Variants in FYCO1 observed in about 807,000 individuals in gnomAD.
FYCO1 encodes FYVE and coiled-coil domain autophagy adaptor 1, also known as FYVE and coiled-coil domain-containing protein 1.
In FYCO1, 122 loss-of-function variants were observed where a neutral mutation model predicts 165.1. The ratio of observed to expected loss-of-function variants is 0.74; its 90% CI spans 0.64 to 0.86. The LOEUF is 0.86. FYCO1 is among the 40% of genes least tolerant of loss of function. The probability of loss-of-function intolerance (pLI) is 0.00; values close to 1 mark genes in which losing one functional copy is unlikely to be tolerated. For synonymous variants in FYCO1, 648 were observed against 742.5 expected, an observed-to-expected ratio of 0.87 and a Z score of 2.07; for missense variants, 1,702 against 1,810.3, an observed-to-expected ratio of 0.94 and a Z score of 1.09.
At chr3:45,952,956 G>A (rs1293582629) in intron 14 of FYCO1, among the ~76,000 whole-genome samples, 1 of 152,188 alleles carries the variant, frequency 6.6e-6, no homozygotes, top group Non-Finnish European at 1.5e-5. Context: ...GGCTTACATG[G>A]TCAGGGGTTG....
chr3:45,929,874 G>A (rs1189676233), intron 16 of FYCO1, among the ~76,000 whole-genome samples: 3 of 152,154 alleles, frequency 2.0e-5, no homozygotes, highest in Non-Finnish European at 4.4e-5. Flanking sequence ...AAACCCAAAC[G>A]GGTACGTGTT....
In FYCO1 at chr3:45,964,228, C is replaced by T. The variant is rs1705862419; in HGVS notation, c.3269+108G>A. 1 of 940,224 alleles carries T rather than the reference C, an allele frequency of 1.1e-6. No individual in the cohort carries two copies. The highest frequency in any genetic ancestry group is 2.4e-5 in the East Asian group (1 of 40,942). The allele number at this position is 940,224 out of a possible 1,614,324, so 58.2% of individuals were successfully genotyped here. A position where few individuals can be genotyped will look rare whatever the true frequency, so the allele number is the denominator to read the frequency against. ...CTTTCTGAGTTTGTGGCTTTTCTTG[C>T]AAAAGGACTTCCTAAACCTAATATG... On this transcript the variant is annotated intron_variant, in intron 10 of 17. Transcript: ENST00000296137. The surrounding 1 kb of genome is among the most constrained non-coding windows in gnomAD (Gnocchi z 4.1).
At position 45,941,149 on chromosome 3, in the gene FYCO1, A is replaced by G. The variant is rs544554808; in HGVS notation, c.3945-4606T>C. ...ATCCTCTCATCTTAGCCTCTTGAGT[A>G]CTGGGACTATAAGTGCCCACTGCCA... is the stretch of plus-strand genomic sequence containing the variant. On this transcript the variant is annotated intron_variant, in intron 14 of 17. Transcript: ENST00000296137. 4 of 152,336 alleles carry G rather than the reference A, an allele frequency of 2.6e-5. No homozygotes were observed. In the East Asian group the frequency reaches 5.8e-4, roughly 22 times the overall value. The allele number at this position is 152,336 out of a possible 1,614,324, so 9.4% of individuals were successfully genotyped here.
intron 14 of FYCO1, among the ~76,000 whole-genome samples, chr3:45,942,611 C>T (rs753357883): frequency 6.6e-6 from 1 of 152,216 alleles, no homozygotes; most frequent in Admixed American, 6.5e-5. Context: ...CTCTCCACTA[C>T]AAGGCACTGG....
rs915232502 is a variant in FYCO1, at chr3:45,920,804, C to G, written c.*961G>C. 2.0e-5 allele frequency: 3 copies of G among 152,616 alleles called. No homozygotes were observed. The highest frequency in any genetic ancestry group is 2.9e-5 in the Non-Finnish European group (2 of 68,040). 9.5% of individuals were successfully genotyped at this position (152,616 alleles called of 1,614,324 possible). On this transcript the variant is annotated 3_prime_UTR_variant, in exon 18 of 18. Coordinates refer to ENST00000296137, the MANE Select transcript of FYCO1 (RefSeq NM_024513.4). Reference sequence around the variant, plus strand: ...CCCAATGTTTGAAAGTGGTTCTAATCCTGGCTATGATCATTAGTAAACATG... The same window carrying G: ...CCCAATGTTTGAAAGTGGTTCTAATGCTGGCTATGATCATTAGTAAACATG...
rs1171974705 is a variant in FYCO1, at chr3:45,958,748, T to C, written c.3588-129A>G. On this transcript the variant is annotated intron_variant, in intron 12 of 17. Transcript: ENST00000296137. ...ACCTGGCTCTGCCCCCAAGTTAGGA[T>C]GTGGCCATGAGCTCATTTCATAAGA... 31 of 845,146 alleles carry C rather than the reference T, an allele frequency of 3.7e-5. No homozygotes were observed. In the East Asian group the frequency reaches 7.8e-4, roughly 21 times the overall value. The allele number at this position is 845,146 out of a possible 1,614,324, so 52.4% of individuals were successfully genotyped here.
At chr3:45,950,439 T>G (rs900334263) in intron 14 of FYCO1, among the ~76,000 whole-genome samples, 13 of 152,012 alleles carry the variant, frequency 8.6e-5, no homozygotes, top group African/African-American at 2.7e-4. Flanking sequence ...GTGTCCTCCG[T>G]AGGTGTTCTG....
At chr3:45,947,318 G>C (rs1575348413) in intron 14 of FYCO1, 2 of 1,614,162 alleles carry the variant, frequency 1.2e-6, no homozygotes, top group East Asian at 2.2e-5. Context: ...TCGCATACCT[G>C]AGGGCCTGCC....
Position 45,921,328 on chromosome 3 carries a change from G to T in FYCO1, c.*437C>A. ...CACAGCCTGAGGATTCACAGGGCAT[G>T]GCCAGTGCACCCAGCTCAGTCTCCA... On this transcript the variant is annotated 3_prime_UTR_variant, in exon 18 of 18. Transcript: ENST00000296137. The T allele has an allele frequency of 3.5e-6, 1 of 282,138 alleles. No individual in the cohort carries two copies. The highest frequency in any genetic ancestry group is 6.9e-6 in the Non-Finnish European group (1 of 144,854). The allele number at this position is 282,138 out of a possible 1,614,324, so 17.5% of individuals were successfully genotyped here. A position where few individuals can be genotyped will look rare whatever the true frequency, so the allele number is the denominator to read the frequency against.
At chr3:45,946,691 G>A (rs371663261) in intron 14 of FYCO1, 3 of 1,614,212 alleles carry the variant, frequency 1.9e-6, no homozygotes, top group South Asian at 2.2e-5. Flanking sequence ...ATGTGTTCCT[G>A]GTGAACCTAC....
intron 2 of FYCO1, chr3:45,984,579 T>C (rs1304211832): frequency 7.0e-6 from 4 of 572,960 alleles, no homozygotes; most frequent in Non-Finnish European, 1.3e-5. Context: ...CACACATGTG[T>C]GCACTAATGG....
intron 4 of FYCO1, among the ~76,000 whole-genome samples, chr3:45,979,204 T>C (rs1313303903): frequency 1.3e-5 from 2 of 152,230 alleles, no homozygotes; most frequent in African/African-American, 4.8e-5. Context: ...CATTTTGCTC[T>C]TGAGGGGCGC....
Position 45,936,427 on chromosome 3 carries a change from C to G in FYCO1, c.4040+21G>C, listed in dbSNP as rs766434247. 15 of 1,579,886 alleles carry G rather than the reference C, an allele frequency of 9.5e-6. No individual in the cohort carries two copies. The South Asian group carries it at 1.5e-4, about 16-fold the overall frequency. ...CCCAATGCCACACCTGGGGAGGGCC[C>G]AGGCAGCAGTTGCCACTTACATCAG... On this transcript the variant is annotated intron_variant, in intron 15 of 17. Coordinates refer to ENST00000296137, the MANE Select transcript of FYCO1 (RefSeq NM_024513.4).
At chr3:45,955,117 G>T in intron 14 of FYCO1, 132 bp downstream of exon 14, 1 of 1,085,984 alleles carries the variant, frequency 9.2e-7, no homozygotes, top group Non-Finnish European at 1.4e-6. Context: ...CAAGGCCATC[G>T]CAAGCACTGT....
At chr3:45,947,512 C>A (rs774004453) in intron 14 of FYCO1, 2 of 1,608,834 alleles carry the variant, frequency 1.2e-6, no homozygotes, top group Non-Finnish European at 1.7e-6. Flanking sequence ...CAGTTATAGG[C>A]CTTGCCAGGG....
chr3:45,957,624 T>C (rs1177582301), intron 13 of FYCO1, among the ~76,000 whole-genome samples: 1 of 152,244 alleles, frequency 6.6e-6, no homozygotes, highest in African/African-American at 2.4e-5. Context: ...CTGTGCAAAG[T>C]ACACTCCCCA....
Position 45,966,540 on chromosome 3 carries a change from C to T in FYCO1, c.2794G>A (p.Glu932Lys). The T allele has an allele frequency of 6.2e-7, 1 of 1,614,190 alleles. No homozygotes were observed. Among genetic ancestry groups the T allele is most frequent in the Non-Finnish European group, 8.5e-7 (1 of 1,180,034 alleles). Residue 932 changes from glutamate to lysine, a missense_variant, in exon 8 of 18, where the codon GAG becomes AAG. Glu to Lys is a moderately conservative substitution (Grantham distance 56, BLOSUM62 1). Coordinates refer to ENST00000296137, the MANE Select transcript of FYCO1 (RefSeq NM_024513.4). ...GCTGCCTCTTTGGCGTCCTGGAGCT[C>T]CTGGACAGCACAGGCCAGTGCCTCC... ...VEEALACAVQ[E>K]LQDAKEAASR...
chr3:45,924,804 A>C (rs1210475899), intron 16 of FYCO1, among the ~76,000 whole-genome samples: 1 of 151,976 alleles, frequency 6.6e-6, no homozygotes, highest in Admixed American at 6.6e-5. Flanking sequence ...GCAGAGACGG[A>C]GTTTCACCAT....
Position 45,968,105 on chromosome 3 carries a change from A to T in FYCO1, c.1229T>A (p.Leu410Gln). 1 of 1,613,982 alleles carries T rather than the reference A, an allele frequency of 6.2e-7. No individual in the cohort carries two copies. Among genetic ancestry groups the T allele is most frequent in the Non-Finnish European group, 8.5e-7 (1 of 1,179,996 alleles). The change falls in exon 8 of 18, where the codon CTA (leucine) becomes CAA (glutamine). Residue 410 changes from leucine (L) to glutamine (Q), a missense_variant. Coordinates refer to ENST00000296137, the MANE Select transcript of FYCO1 (RefSeq NM_024513.4). ...MQELGEKLQA[L>Q]ERERTKVEEV... ...CTCGACCTTGGTTCTCTCCCTTTCTAGGGCTTGAAGCTTCTCCCCTAGCTC... is the reference window on the plus strand; with the variant it reads ...CTCGACCTTGGTTCTCTCCCTTTCTTGGGCTTGAAGCTTCTCCCCTAGCTC...
Sources: gnomAD v4.1 joint callset for allele counts (sites outside exome capture counted in the v4.1 genomes callset) on GRCh38, gnomAD v4.1.1 for gene constraint, Gnocchi (gnomAD v3.1) non-coding constraint, MANE v1.5 for transcripts, NCBI Gene and HGNC (gene_info 2026-07-23, HGNC 2026-07-21) for gene names.